Variants in BMP7 observed in about 807,000 individuals in gnomAD.
BMP7 encodes the protein bone morphogenetic protein 7.
A neutral mutation model predicts 41.2 loss-of-function variants in BMP7; 12 were observed. The ratio of observed to expected loss-of-function variants is 0.29; its 90% CI spans 0.19 to 0.47. BMP7 has a LOEUF of 0.47. BMP7 is among the 20% of genes least tolerant of loss of function. The pLI is 0.99. For missense variants in BMP7, 467 were observed against 606.0 expected, an observed-to-expected ratio of 0.77 and a Z score of 2.41; for synonymous variants, 248 against 250.0, an observed-to-expected ratio of 0.99 and a Z score of 0.07.
intron 1 of BMP7, among the ~76,000 whole-genome samples, chr20:57,246,729 C>T (rs2066091975): frequency 6.6e-6 from 1 of 152,184 alleles, no homozygotes; most frequent in Non-Finnish European, 1.5e-5. Context: ...TGGCTCATGC[C>T]TGTAATCCCA....
intron 2 of BMP7, among the ~76,000 whole-genome samples, chr20:57,216,673 T>G (rs1985039652): frequency 6.6e-6 from 1 of 152,076 alleles, no homozygotes; most frequent in Non-Finnish European, 1.5e-5. Flanking sequence ...TGACTCCGAC[T>G]CCTCAGTGGG....
chr20:57,183,259 G>GTA (rs371240342), intron 4 of BMP7, among the ~76,000 whole-genome samples: 2 of 151,570 alleles, frequency 1.3e-5, no homozygotes, highest in East Asian at 1.9e-4. Flanking sequence ...GTGTGTGTGT[G>GTA]TATATATATA....
At chr20:57,251,360 T>C (rs1341884089) in intron 1 of BMP7, among the ~76,000 whole-genome samples, 2 of 152,058 alleles carry the variant, frequency 1.3e-5, no homozygotes, top group Admixed American at 1.3e-4. Context: ...AGACCCAAAC[T>C]CTTAACTACC....
intron 6 of BMP7, chr20:57,172,990 C>T (rs548529914): frequency 2.4e-5 from 15 of 627,246 alleles, no homozygotes; most frequent in Non-Finnish European, 4.0e-5. Context: ...TAAATGAACT[C>T]CAGGGTCGAA....
Position 57,214,216 on chromosome 20 carries a change from C to T in BMP7, c.612-11593G>A, listed in dbSNP as rs1426372800. ...AGAGCCTTGTTCCAGCAAAGTGTCA[C>T]CCCTGCACGGTGATGGTTTGATGGT... On this transcript the variant is annotated intron_variant, in intron 2 of 6. Coordinates refer to ENST00000395863, the MANE Select transcript of BMP7 (RefSeq NM_001719.3). This position sits in a 1 kb window ranked among gnomAD's most constrained non-coding sequence, Gnocchi z 4.0. Among the ~76,000 whole-genome samples the T allele has an allele frequency of 6.6e-6, 1 of 152,154 alleles. No homozygotes were observed. Among genetic ancestry groups the T allele is most frequent in the Admixed American group, 6.5e-5 (1 of 15,292 alleles).
At position 57,224,084 on chromosome 20, in the gene BMP7, C is replaced by T. The variant is rs899888871; in HGVS notation, c.611+4145G>A. ...TCAGGGCCCCCATCCCAGGGCTAGT[C>T]GAGGGCAAGAGCCTCTGCCTGGGCT... is the stretch of plus-strand genomic sequence containing the variant. On this transcript the variant is annotated intron_variant, in intron 2 of 6. Coordinates refer to ENST00000395863, the MANE Select transcript of BMP7 (RefSeq NM_001719.3). The surrounding 1 kb of genome is among the most constrained non-coding windows in gnomAD (Gnocchi z 4.8). 3.9e-5 allele frequency among the ~76,000 whole-genome samples: 6 copies of T among 152,154 alleles called. No homozygotes were observed. The highest frequency in any genetic ancestry group is 1.2e-4 in the African/African-American group (5 of 41,446).
intron 3 of BMP7, among the ~76,000 whole-genome samples, chr20:57,196,482 AG>A (rs1320456680): frequency 1.3e-5 from 2 of 152,284 alleles, no homozygotes; most frequent in African/African-American, 4.8e-5. Context: ...GCCTCATTGT[AG>A]GGGCACAACA....
intron 3 of BMP7, among the ~76,000 whole-genome samples, chr20:57,197,310 T>C (rs756712335): frequency 1.3e-5 from 2 of 151,890 alleles, no homozygotes; most frequent in Non-Finnish European, 2.9e-5. Context: ...AAGCCTACTG[T>C]CTTCTGAGTG....
chr20:57,180,391 C>A (rs912697159), intron 4 of BMP7, among the ~76,000 whole-genome samples: 3 of 151,920 alleles, frequency 2.0e-5, no homozygotes, highest in African/African-American at 7.3e-5. Flanking sequence ...TCCCACAGCC[C>A]AGAGCATCCT....
At chr20:57,260,731 A>G (rs1288162004) in intron 1 of BMP7, among the ~76,000 whole-genome samples, 2 of 152,248 alleles carry the variant, frequency 1.3e-5, no homozygotes, top group Non-Finnish European at 2.9e-5. Flanking sequence ...TCCTTCTGAC[A>G]ATAACATGAC....
intron 1 of BMP7, among the ~76,000 whole-genome samples, chr20:57,264,523 G>A (rs1259081103): frequency 1.3e-5 from 2 of 152,188 alleles, no homozygotes; most frequent in Non-Finnish European, 2.9e-5. Context: ...ACATATGGAG[G>A]GGGAGCTCCC....
intron 3 of BMP7, among the ~76,000 whole-genome samples, chr20:57,193,552 T>A (rs1984425487): frequency 6.6e-6 from 1 of 152,266 alleles, no homozygotes; most frequent in African/African-American, 2.4e-5. Context: ...ACCAATGGAC[T>A]CCTGCACTCT....
chr20:57,242,453 C>T (rs1049687511), intron 1 of BMP7, among the ~76,000 whole-genome samples: 1 of 152,178 alleles, frequency 6.6e-6, no homozygotes, highest in Admixed American at 6.5e-5. Context: ...TCAGTTTCCT[C>T]CCATAACAAA....
chr20:57,248,623 G>A (rs2066099293), intron 1 of BMP7, among the ~76,000 whole-genome samples: 1 of 152,150 alleles, frequency 6.6e-6, no homozygotes, highest in Non-Finnish European at 1.5e-5. Flanking sequence ...GTAGGGGGAG[G>A]TGGGAAGCTC....
chr20:57,255,705 C>A (rs2066131160), intron 1 of BMP7, among the ~76,000 whole-genome samples: 1 of 136,038 alleles, frequency 7.4e-6, no homozygotes, highest in Non-Finnish European at 1.5e-5. Flanking sequence ...GAGGCTGAGG[C>A]AGGAGAATTG....
At chr20:57,253,569 C>A (rs899666885) in intron 1 of BMP7, among the ~76,000 whole-genome samples, 1 of 152,144 alleles carries the variant, frequency 6.6e-6, no homozygotes, top group African/African-American at 2.4e-5. Context: ...TAGATTGATT[C>A]GTTATTGGCC....
In BMP7 at chr20:57,255,538, G is replaced by A. The variant is rs1056146056; in HGVS notation, c.418+10167C>T. Among the ~76,000 whole-genome samples, 3 of 152,126 alleles carry A rather than the reference G, an allele frequency of 2.0e-5. No individual in the cohort carries two copies. The East Asian group carries it at 5.8e-4, about 29-fold the overall frequency. ...TAAGGGGCCAGTTGCAGTGGCTCAC[G>A]CCTGTAATCTTAACACCTTGGGAGG... On this transcript the variant is annotated intron_variant, in intron 1 of 6. Coordinates refer to ENST00000395863, the MANE Select transcript of BMP7 (RefSeq NM_001719.3).
chr20:57,207,834 T>TGAGACGGAGTC (rs1984773040), intron 2 of BMP7, among the ~76,000 whole-genome samples: 1 of 134,180 alleles, frequency 7.5e-6, no homozygotes, highest in Non-Finnish European at 1.5e-5. Flanking sequence ...TTTTTTTTTT[T>TGAGACGGAGTC]TTTTTTGAGA....
intron 1 of BMP7, among the ~76,000 whole-genome samples, chr20:57,251,489 C>T (rs1166983170): frequency 1.3e-5 from 2 of 152,206 alleles, no homozygotes; most frequent in Non-Finnish European, 2.9e-5. Context: ...AGAGCACATG[C>T]CTCATGTTAA....
Sources: gnomAD v4.1 joint callset for allele counts (sites outside exome capture counted in the v4.1 genomes callset) on GRCh38, gnomAD v4.1.1 for gene constraint, Gnocchi (gnomAD v3.1) non-coding constraint, MANE v1.5 for transcripts, NCBI Gene and HGNC (gene_info 2026-07-23, HGNC 2026-07-21) for gene names.